The following NCOA2 variants were observed in gnomAD, a reference collection of about 807,000 sequenced individuals.
NCOA2 encodes nuclear receptor coactivator 2.
Under a neutral mutation model 145.1 loss-of-function variants are expected in NCOA2, and 21 were observed. That is an observed-to-expected ratio of 0.14 (90% confidence interval 0.10 to 0.21). The LOEUF (loss-of-function observed/expected upper bound fraction) is 0.21, where lower values mean the gene tolerates loss of function less well. Among genes scored for constraint, NCOA2 ranks in the 10% least tolerant of loss-of-function variants. The pLI, the probability that NCOA2 is intolerant of heterozygous loss-of-function variation, is 1.00. For synonymous variants in NCOA2, 619 were observed against 637.5 expected (o/e 0.97, Z 0.44); for missense variants, 1,472 against 1,837.6 (o/e 0.80, Z 3.64).
intron 1 of NCOA2, among the ~76,000 whole-genome samples, chr8:70,379,283 C>A (rs561242933): frequency 3.3e-5 from 5 of 152,174 alleles, no homozygotes; most frequent in African/African-American, 1.2e-4. Context: ...CTTCTATTGT[C>A]CTTCCACTTC....
At chr8:70,279,869 A>G (rs1253218193) in intron 2 of NCOA2, among the ~76,000 whole-genome samples, 1 of 152,214 alleles carries the variant, frequency 6.6e-6, no homozygotes, top group African/African-American at 2.4e-5. Flanking sequence ...GAAAGTAGAG[A>G]AAAAGAGAAG....
In NCOA2 at chr8:70,114,189, T is replaced by G. The variant is rs780996811; in HGVS notation, c.4384-546A>C. Among the ~76,000 whole-genome samples, 58 of 152,074 alleles carry G rather than the reference T, an allele frequency of 3.8e-4. 1 individual carries two copies. Among genetic ancestry groups the G allele is most frequent in the Non-Finnish European group, 7.4e-5 (5 of 68,002 alleles). The stretch of plus-strand genomic sequence containing the variant: ...CTAGATCATGATGGGTTTTGACTCC[T>G]GGGGTTTTGTATTTTTAGTAGAGAT... On this transcript the variant is annotated intron_variant, in intron 22 of 22. Transcript: ENST00000452400.
At chr8:70,444,057 C>T in the NCOA2 span, among the ~76,000 whole-genome samples, 16 of 152,152 alleles carry the variant, frequency 1.1e-4, no homozygotes, top group African/African-American at 2.4e-4. Flanking sequence ...CACACACAAA[C>T]ATGTAAACAA....
At chr8:70,174,714 A>C in intron 5 of NCOA2, 42 bp downstream of exon 5, 2 of 1,521,654 alleles carry the variant, frequency 1.3e-6, no homozygotes. Flanking sequence ...TGTGAAGATC[A>C]ACAAGATTTT....
intron 1 of NCOA2, among the ~76,000 whole-genome samples, chr8:70,299,644 G>A (rs1827342694): frequency 6.6e-6 from 1 of 152,182 alleles, no homozygotes; most frequent in South Asian, 2.1e-4. Context: ...TACACAACCA[G>A]TAAAATTATC....
the NCOA2 span, among the ~76,000 whole-genome samples, chr8:70,455,593 T>C: frequency 1.3e-5 from 2 of 152,094 alleles, no homozygotes; most frequent in East Asian, 1.9e-4. Context: ...CTGAAGAGTG[T>C]ATGGGATTCA....
intron 1 of NCOA2, among the ~76,000 whole-genome samples, chr8:70,385,777 C>T (rs369560364): frequency 6.6e-6 from 1 of 152,224 alleles, no homozygotes; most frequent in Non-Finnish European, 1.5e-5. Flanking sequence ...GAATGTTCCA[C>T]AAATTTTACA....
the NCOA2 span, among the ~76,000 whole-genome samples, chr8:70,410,218 A>C: frequency 2.6e-5 from 4 of 152,154 alleles, no homozygotes; most frequent in Non-Finnish European, 4.4e-5. Flanking sequence ...CCAAAAAAAA[A>C]CAAAAAACTG....
the NCOA2 span, among the ~76,000 whole-genome samples, chr8:70,433,267 T>C: frequency 6.6e-6 from 1 of 152,134 alleles, no homozygotes; most frequent in Non-Finnish European, 1.5e-5. Flanking sequence ...TTATTGAGCA[T>C]CTATAGTACA....
intron 1 of NCOA2, among the ~76,000 whole-genome samples, chr8:70,358,417 T>C (rs1178221666): frequency 6.6e-6 from 1 of 152,204 alleles, no homozygotes; most frequent in African/African-American, 2.4e-5. Flanking sequence ...AAGACCCATA[T>C]AAAAATCAGC....
At chr8:70,188,541 T>C (rs952324533) in intron 4 of NCOA2, among the ~76,000 whole-genome samples, 1 of 152,170 alleles carries the variant, frequency 6.6e-6, no homozygotes, top group Non-Finnish European at 1.5e-5. Flanking sequence ...CAGGAAGTAA[T>C]AATATTATTC....
At chr8:70,401,186 TGATCTTTACAGA>T (rs1814208622) in intron 1 of NCOA2, among the ~76,000 whole-genome samples, 1 of 152,174 alleles carries the variant, frequency 6.6e-6, no homozygotes, top group Non-Finnish European at 1.5e-5. Context: ...GAGCAACCTG[TGATCTTTACAGA>T]GAATCAAAGA....
intron 2 of NCOA2, among the ~76,000 whole-genome samples, chr8:70,261,165 C>A (rs1017759886): frequency 6.6e-6 from 1 of 152,132 alleles, no homozygotes; most frequent in Non-Finnish European, 1.5e-5. Flanking sequence ...ATGTTTATTG[C>A]GGCACTATTC....
intron 2 of NCOA2, among the ~76,000 whole-genome samples, chr8:70,266,295 C>T (rs998299580): frequency 2.0e-5 from 3 of 152,266 alleles, no homozygotes; most frequent in Admixed American, 6.5e-5. Context: ...CCTGAGTAGG[C>T]GGGACTACAG....
chr8:70,249,345 T>A (rs16936849), intron 2 of NCOA2, among the ~76,000 whole-genome samples: 1,525 of 152,240 alleles, frequency 0.01, 23 homozygotes, highest in African/African-American at 0.034. Context: ...CGTTGCAATA[T>A]GAAAAAATGC....
intron 2 of NCOA2, among the ~76,000 whole-genome samples, chr8:70,265,514 T>C (rs1824495229): frequency 1.3e-5 from 2 of 152,188 alleles, no homozygotes; most frequent in South Asian, 4.1e-4. Context: ...AGCATGGCAG[T>C]TCTCAATTAG....
At position 70,210,442 on chromosome 8, in the gene NCOA2, C is replaced by T. The variant is rs145472869; in HGVS notation, c.259+3461G>A. Among the ~76,000 whole-genome samples the T allele has an allele frequency of 4.4e-3, 677 of 152,252 alleles. 4 individuals carry two copies. Among genetic ancestry groups the T allele is most frequent in the Non-Finnish European group, 7.3e-3 (499 of 68,028 alleles). On this transcript the variant is annotated intron_variant, in intron 4 of 22. Transcript: ENST00000452400. ...GGAATTCTCTATTTGATGGCAGTCACACTATTAGCATCAAACTCTTGTGTG... is the reference window on the plus strand; with the variant it reads ...GGAATTCTCTATTTGATGGCAGTCATACTATTAGCATCAAACTCTTGTGTG...
chr8:70,328,244 G>A lies in NCOA2; in HGVS notation c.-76-31444C>T, dbSNP rs375349142. The stretch of plus-strand genomic sequence containing the variant: ...TAGCTATGAGATTATGTAAACCATC[G>A]AATGAATACAATTCTAAGTCTTATA... On this transcript the variant is annotated intron_variant, in intron 1 of 22. Coordinates refer to ENST00000452400, the MANE Select transcript of NCOA2 (RefSeq NM_006540.4). Among the ~76,000 whole-genome samples the A allele has an allele frequency of 5.9e-5, 9 of 152,188 alleles. No homozygotes were observed. The East Asian group carries it at 1.4e-3, about 23-fold the overall frequency.
intron 15 of NCOA2, among the ~76,000 whole-genome samples, chr8:70,135,902 G>T (rs778385464): frequency 4.6e-5 from 7 of 152,130 alleles, no homozygotes; most frequent in Non-Finnish European, 1.0e-4. Flanking sequence ...GACTAAGAAG[G>T]AGAATTAGGT....
Sources: gnomAD v4.1 joint callset for allele counts (sites outside exome capture counted in the v4.1 genomes callset) on GRCh38, gnomAD v4.1.1 for gene constraint, MANE v1.5 for transcripts, NCBI Gene and HGNC (gene_info 2026-07-23, HGNC 2026-07-21) for gene names.